Variants in LOC400499 observed in about 807,000 individuals in gnomAD.
At chr16:11,442,624 T>C in the LOC400499 span, 3 of 152,256 alleles carry the variant, frequency 2.0e-5, no homozygotes, top group Admixed American at 6.5e-5. Context: ...ATTTGAGGCT[T>C]GGTGTGGTCA....
chr16:11,374,157 ACTAT>A, the LOC400499 span, among the ~76,000 whole-genome samples: 1 of 152,190 alleles, frequency 6.6e-6, no homozygotes, highest in East Asian at 1.9e-4. Context: ...TAATAAGCCT[ACTAT>A]CTGAGTCCTG....
chr16:11,468,400 T>C, the LOC400499 span, among the ~76,000 whole-genome samples: 7 of 152,186 alleles, frequency 4.6e-5, no homozygotes, highest in Admixed American at 4.6e-4. Flanking sequence ...CATGGCTCAG[T>C]GCAGCCTTGA....
the LOC400499 span, among the ~76,000 whole-genome samples, chr16:11,407,819 G>T: frequency 1.3e-5 from 2 of 152,142 alleles, no homozygotes; most frequent in East Asian, 3.9e-4. Context: ...ATTTTATTAC[G>T]GGTTGCTGCG....
the LOC400499 span, among the ~76,000 whole-genome samples, chr16:11,509,691 C>T: frequency 2.0e-5 from 3 of 151,592 alleles, no homozygotes; most frequent in African/African-American, 7.3e-5. Context: ...ATTAGCTGGG[C>T]GTGGTGGCAG....
the LOC400499 span, among the ~76,000 whole-genome samples, chr16:11,386,373 T>C: frequency 6.6e-6 from 1 of 152,232 alleles, no homozygotes; most frequent in African/African-American, 2.4e-5. Flanking sequence ...CTGTCAGAAC[T>C]GAGAGGCACA....
chr16:11,450,525 C>T, the LOC400499 span: 1 of 1,359,410 alleles, frequency 7.4e-7, no homozygotes, highest in Admixed American at 2.0e-5. Flanking sequence ...TGCCCACAGA[C>T]CTCAGCTTTC....
At chr16:11,469,868 C>T in the LOC400499 span, among the ~76,000 whole-genome samples, 1 of 152,182 alleles carries the variant, frequency 6.6e-6, no homozygotes. Context: ...GAAGCGGCTG[C>T]GGTGCACACT....
chr16:11,458,799 C>G, the LOC400499 span, among the ~76,000 whole-genome samples: 1 of 151,984 alleles, frequency 6.6e-6, no homozygotes. Flanking sequence ...CTTTGGGAGG[C>G]TGAGGTGAGC....
chr16:11,523,418 A>G, the LOC400499 span: 1 of 398,440 alleles, frequency 2.5e-6, no homozygotes, highest in African/African-American at 2.1e-5. Flanking sequence ...AGAATCACTC[A>G]CCTGTGCACG....
the LOC400499 span, chr16:11,431,059 T>C: frequency 5.0e-6 from 2 of 399,076 alleles, no homozygotes; most frequent in Non-Finnish European, 8.8e-6. Context: ...CTCCTTCTGC[T>C]TCAGCCTTCC....
the LOC400499 span, among the ~76,000 whole-genome samples, chr16:11,387,496 A>G: frequency 0.19 from 28,878 of 152,184 alleles, 3,080 homozygotes; most frequent in African/African-American, 0.27. Flanking sequence ...CGGAGGTGGT[A>G]GATGATGGCT....
the LOC400499 span, among the ~76,000 whole-genome samples, chr16:11,381,821 C>G: frequency 6.6e-6 from 1 of 152,122 alleles, no homozygotes. Flanking sequence ...TCTTCCTTAG[C>G]TTTTAGGACC....
chr16:11,418,464 G>C, the LOC400499 span, among the ~76,000 whole-genome samples: 2 of 152,192 alleles, frequency 1.3e-5, no homozygotes, highest in African/African-American at 4.8e-5. Flanking sequence ...CGTCCTCACT[G>C]CTACACTCCC....
the LOC400499 span, chr16:11,402,005 C>G: frequency 2.5e-6 from 1 of 399,026 alleles, no homozygotes; most frequent in African/African-American, 2.1e-5. Context: ...TTCAGCTCTG[C>G]CCCAGGGTCA....
the LOC400499 span, among the ~76,000 whole-genome samples, chr16:11,427,789 A>G: frequency 3.9e-3 from 589 of 152,264 alleles, 3 homozygotes; most frequent in African/African-American, 0.013. Context: ...TATCAGAGGA[A>G]CGAAGAAAGG....
the LOC400499 span, chr16:11,472,531 T>C: frequency 6.6e-6 from 1 of 152,188 alleles, no homozygotes; most frequent in Admixed American, 6.5e-5. Context: ...GGCAATACTG[T>C]GTAGAACACA....
the LOC400499 span, among the ~76,000 whole-genome samples, chr16:11,398,913 G>C: frequency 6.6e-6 from 1 of 152,144 alleles, no homozygotes; most frequent in South Asian, 2.1e-4. Flanking sequence ...CAAAGTGCTG[G>C]GATTACAGGT....
the LOC400499 span, chr16:11,425,329 G>C: frequency 1.1e-4 from 42 of 399,324 alleles, no homozygotes; most frequent in East Asian, 8.5e-4. Context: ...TTCTGGGCAA[G>C]GACACAGGTC....
At chr16:11,374,275 T>A in the LOC400499 span, among the ~76,000 whole-genome samples, 2 of 152,326 alleles carry the variant, frequency 1.3e-5, no homozygotes, top group East Asian at 1.9e-4. Flanking sequence ...GTAAAATGTT[T>A]ATCATCGTAT....
Sources: gnomAD v4.1 joint callset for allele counts (sites outside exome capture counted in the v4.1 genomes callset) on GRCh38, gnomAD v4.1.1 for gene constraint, MANE v1.5 for transcripts.